ARL15: variants seen among roughly 807,000 people sequenced by gnomAD.
ARL15 encodes ADP-ribosylation factor-like protein 15.
In ARL15, 19 loss-of-function variants were observed where a neutral mutation model predicts 25.2. The observed-to-expected ratio is 0.75, with a 90% CI of 0.53 to 1.10. The LOEUF (loss-of-function observed/expected upper bound fraction) is 1.10. ARL15 is among the 50% of genes least tolerant of loss of function. ARL15 has a pLI of 0.00. For synonymous variants in ARL15, 94 were observed against 86.8 expected (o/e 1.08, Z -0.46); for missense variants, 220 against 246.0 (o/e 0.89, Z 0.71).
At chr5:53,959,981 T>C (rs1028703182) in intron 4 of ARL15, among the ~76,000 whole-genome samples, 2 of 152,070 alleles carry the variant, frequency 1.3e-5, no homozygotes, top group South Asian at 2.1e-4. Flanking sequence ...GTCTGACATA[T>C]AGTAGATGCT....
chr5:53,916,633 G>C (rs899258119), intron 4 of ARL15, among the ~76,000 whole-genome samples: 1 of 152,166 alleles, frequency 6.6e-6, no homozygotes, highest in Non-Finnish European at 1.5e-5. Context: ...TCAGTACTAA[G>C]GCTGCCCAGC....
intron 4 of ARL15, among the ~76,000 whole-genome samples, chr5:54,085,203 T>C (rs947898622): frequency 6.6e-6 from 1 of 152,190 alleles, no homozygotes; most frequent in East Asian, 1.9e-4. Flanking sequence ...CCTGTGAGCT[T>C]CAGAATGCTT....
intron 4 of ARL15, among the ~76,000 whole-genome samples, chr5:54,099,228 C>T (rs1752369426): frequency 6.6e-6 from 1 of 152,114 alleles, no homozygotes; most frequent in Non-Finnish European, 1.5e-5. Context: ...TATAACAGTA[C>T]CGCAAACTTG....
chr5:53,902,297 C>T (rs1745094431), intron 4 of ARL15, among the ~76,000 whole-genome samples: 1 of 152,232 alleles, frequency 6.6e-6, no homozygotes, highest in South Asian at 2.1e-4. Flanking sequence ...ATTCTCCCTG[C>T]TAATCCAATA....
At chr5:53,956,201 G>A (rs895002771) in intron 4 of ARL15, among the ~76,000 whole-genome samples, 4 of 151,884 alleles carry the variant, frequency 2.6e-5, no homozygotes, top group African/African-American at 9.7e-5. Context: ...CTGAATGGAA[G>A]CTAAAGGAAT....
intron 3 of ARL15, among the ~76,000 whole-genome samples, chr5:54,123,342 CT>C (rs1753148203): frequency 6.6e-6 from 1 of 152,152 alleles, no homozygotes; most frequent in African/African-American, 2.4e-5. Flanking sequence ...ATCTCCTGAC[CT>C]CGTGATCTGC....
rs755436999 is a variant in ARL15 at position 53,886,667 on chromosome 5, C to A, written c.509G>T (p.Trp170Leu). ...ATCCAGTGAGCAGGGCTGTAGAATC[C>A]AGCGTTTTCCACGTGCAAGTGGTTC... ...ELEPLARGKR[W>L]ILQPCSLDDM... The change falls in exon 5 of 5, where the codon TGG (tryptophan) becomes TTG (leucine). Residue 170 changes from tryptophan to leucine, a missense_variant. Physicochemically the swap from Trp to Leu is moderately conservative, Grantham distance 61. Coordinates refer to ENST00000504924, the MANE Select transcript of ARL15 (RefSeq NM_019087.3). 50 of 1,575,222 alleles carry A rather than the reference C, an allele frequency of 3.2e-5. No individual in the cohort carries two copies. Among genetic ancestry groups the A allele is most frequent in the Non-Finnish European group, 4.1e-5 (47 of 1,159,312 alleles).
chr5:53,976,405 A>G (rs552306695), intron 4 of ARL15, among the ~76,000 whole-genome samples: 19 of 152,372 alleles, frequency 1.2e-4, no homozygotes, highest in African/African-American at 4.6e-4. Context: ...GCTGGAAATA[A>G]GTGATGAGGG....
chr5:54,018,615 A>T (rs79861817), intron 4 of ARL15, among the ~76,000 whole-genome samples: 7,182 of 152,294 alleles, frequency 0.047, 229 homozygotes, highest in Middle Eastern at 0.079. Context: ...CAAAAATTTT[A>T]ACTCAAACAT....
At chr5:54,260,186 C>G (rs1368659749) in intron 1 of ARL15, among the ~76,000 whole-genome samples, 2 of 152,134 alleles carry the variant, frequency 1.3e-5, no homozygotes, top group Non-Finnish European at 2.9e-5. Flanking sequence ...GAATGCACAT[C>G]CTGCACTCTG....
At chr5:53,900,430 T>C (rs1429287603) in intron 4 of ARL15, among the ~76,000 whole-genome samples, 2 of 152,188 alleles carry the variant, frequency 1.3e-5, no homozygotes, top group Non-Finnish European at 2.9e-5. Flanking sequence ...TCAATGCAGA[T>C]GAAGCATCTC....
At chr5:53,990,587 G>A (rs1436821447) in intron 4 of ARL15, among the ~76,000 whole-genome samples, 1 of 152,148 alleles carries the variant, frequency 6.6e-6, no homozygotes, top group East Asian at 1.9e-4. Flanking sequence ...ATCTTGACTT[G>A]AGCTGAGTGT....
chr5:53,986,196 T>C (rs935216343), intron 4 of ARL15, among the ~76,000 whole-genome samples: 3 of 152,222 alleles, frequency 2.0e-5, no homozygotes, highest in Non-Finnish European at 2.9e-5. Context: ...CTGAATGTTA[T>C]GTTTCTGCCT....
At chr5:54,013,162 G>A (rs1749301639) in intron 4 of ARL15, among the ~76,000 whole-genome samples, 1 of 152,216 alleles carries the variant, frequency 6.6e-6, no homozygotes, top group South Asian at 2.1e-4. Context: ...TTTGAAAACT[G>A]AGTATAGAAA....
chr5:54,060,006 G>A (rs1272582875), intron 4 of ARL15, among the ~76,000 whole-genome samples: 4 of 151,696 alleles, frequency 2.6e-5, no homozygotes, highest in African/African-American at 4.8e-5. Context: ...ATACTGATAC[G>A]GTTTGGCTGT....
At chr5:54,195,671 A>C (rs1229228526) in intron 1 of ARL15, among the ~76,000 whole-genome samples, 1 of 152,188 alleles carries the variant, frequency 6.6e-6, no homozygotes, top group Non-Finnish European at 1.5e-5. Flanking sequence ...ACCCTCCTAG[A>C]GATGATCAGT....
chr5:53,996,541 C>A (rs556359967), intron 4 of ARL15, among the ~76,000 whole-genome samples: 1 of 150,538 alleles, frequency 6.6e-6, no homozygotes, highest in African/African-American at 2.4e-5. Context: ...ATTGCTTGAA[C>A]CCGGGAGGCG....
intron 1 of ARL15, among the ~76,000 whole-genome samples, chr5:54,198,952 T>C (rs1319317202): frequency 6.6e-6 from 1 of 151,970 alleles, no homozygotes; most frequent in Non-Finnish European, 1.5e-5. Flanking sequence ...AACAGAGATA[T>C]AGATCAATGG....
intron 1 of ARL15, among the ~76,000 whole-genome samples, chr5:54,259,763 C>T (rs748848638): frequency 6.6e-6 from 1 of 152,176 alleles, no homozygotes; most frequent in Non-Finnish European, 1.5e-5. Flanking sequence ...CAGTATACAA[C>T]ATTATCACAT....
Sources: allele counts gnomAD v4.1 joint callset (sites outside exome capture counted in the v4.1 genomes callset), GRCh38; gene constraint gnomAD v4.1.1; transcripts MANE v1.5; gene names NCBI Gene and HGNC (gene_info 2026-07-23, HGNC 2026-07-21).